The following MACROD2 variants were observed in gnomAD, a reference collection of about 807,000 sequenced individuals.
MACROD2 encodes mono-ADP ribosylhydrolase 2.
Under a neutral mutation model 70.4 loss-of-function variants are expected in MACROD2, and 36 were observed. That is an observed-to-expected ratio of 0.51 (90% CI 0.39 to 0.68). The LOEUF is 0.68. MACROD2 is among the 30% of genes least tolerant of loss of function. MACROD2 has a pLI of 0.00. For missense variants in MACROD2, 496 were observed against 538.4 expected (o/e 0.92, Z 0.78); for synonymous variants, 172 against 178.8 (o/e 0.96, Z 0.30).
At chr20:15,132,953 G>C (rs2076117650) in intron 5 of MACROD2, among the ~76,000 whole-genome samples, 1 of 152,034 alleles carries the variant, frequency 6.6e-6, no homozygotes, top group Non-Finnish European at 1.5e-5. Flanking sequence ...ACTGAGAAAA[G>C]AGAACCTTCA....
intron 5 of MACROD2, among the ~76,000 whole-genome samples, chr20:15,051,900 C>T (rs747225689): frequency 5.9e-5 from 9 of 152,030 alleles, no homozygotes; most frequent in South Asian, 4.2e-4. Context: ...TACAGGCACG[C>T]GCCACTACGT....
chr20:14,364,848 C>G (rs1404394161), intron 3 of MACROD2, among the ~76,000 whole-genome samples: 1 of 152,154 alleles, frequency 6.6e-6, no homozygotes, highest in African/African-American at 2.4e-5. Flanking sequence ...ATTTGCCCAT[C>G]CATTCATCTG....
chr20:14,257,957 C>T (rs2082071219), intron 3 of MACROD2, among the ~76,000 whole-genome samples: 2 of 152,274 alleles, frequency 1.3e-5, no homozygotes, highest in South Asian at 4.1e-4. Flanking sequence ...CATAGCTTGG[C>T]TCCCATTTAA....
At chr20:15,233,726 C>A (rs6131653) in intron 6 of MACROD2, among the ~76,000 whole-genome samples, 1 of 151,176 alleles carries the variant, frequency 6.6e-6, no homozygotes, top group Non-Finnish European at 1.5e-5. Context: ...GATGGCATTT[C>A]TTTTATGAAT....
rs546604042 is a variant in MACROD2, at chr20:14,841,856, A to G, written c.418+156897A>G. The stretch of plus-strand genomic sequence containing the variant: ...TACTAAGATTGGTTTTAAGACTTTT[A>G]TTTTGGGTACTATAGAGTAGAGACC... On this transcript the variant is annotated intron_variant, in intron 5 of 17. Coordinates refer to ENST00000684519, the MANE Select transcript of MACROD2 (RefSeq NM_001351661.2). Among the ~76,000 whole-genome samples the G allele has an allele frequency of 3.9e-5, 6 of 152,122 alleles. 1 individual carries two copies. The highest frequency in any genetic ancestry group is 4.2e-4 in the South Asian group (2 of 4,808).
At chr20:15,733,730 A>G (rs2050978961) in intron 8 of MACROD2, among the ~76,000 whole-genome samples, 1 of 152,216 alleles carries the variant, frequency 6.6e-6, no homozygotes, top group South Asian at 2.1e-4. Flanking sequence ...TTTCACATAC[A>G]TACAAACACA....
At chr20:14,955,236 T>G (rs1185183267) in intron 5 of MACROD2, among the ~76,000 whole-genome samples, 1 of 138,020 alleles carries the variant, frequency 7.2e-6, no homozygotes. Flanking sequence ...TATATAATTT[T>G]TATTATATAT....
intron 8 of MACROD2, among the ~76,000 whole-genome samples, chr20:15,783,860 T>C (rs2051876358): frequency 6.6e-6 from 1 of 152,082 alleles, no homozygotes; most frequent in Non-Finnish European, 1.5e-5. Context: ...GTAGAAACTG[T>C]GCTTGGAAAA....
chr20:14,875,985 G>C (rs553442393), intron 5 of MACROD2, among the ~76,000 whole-genome samples: 2 of 152,174 alleles, frequency 1.3e-5, no homozygotes, highest in South Asian at 4.2e-4. Context: ...TATATATCCA[G>C]TATTGGGATT....
intron 6 of MACROD2, among the ~76,000 whole-genome samples, chr20:15,309,285 A>G (rs1267451719): frequency 3.3e-5 from 5 of 152,240 alleles, no homozygotes; most frequent in Non-Finnish European, 5.9e-5. Flanking sequence ...GTCAAGTTAT[A>G]CATCTCCAAG....
intron 5 of MACROD2, among the ~76,000 whole-genome samples, chr20:14,960,640 T>C (rs2074575080): frequency 6.6e-6 from 1 of 152,190 alleles, no homozygotes; most frequent in African/African-American, 2.4e-5. Context: ...ATGATACTTT[T>C]AAAATCCTGT....
chr20:14,594,614 C>T (rs1981996879), intron 4 of MACROD2, among the ~76,000 whole-genome samples: 1 of 152,170 alleles, frequency 6.6e-6, no homozygotes, highest in African/African-American at 2.4e-5. Context: ...ACAAAGAAGA[C>T]TGGGCGCGGT....
chr20:14,643,800 T>G (rs2123496357), intron 4 of MACROD2, among the ~76,000 whole-genome samples: 1 of 152,290 alleles, frequency 6.6e-6, no homozygotes, highest in East Asian at 1.9e-4. Flanking sequence ...CAGCCTCAGC[T>G]CATGCCACAG....
chr20:14,271,313 A>C (rs2082193515), intron 3 of MACROD2, among the ~76,000 whole-genome samples: 2 of 152,220 alleles, frequency 1.3e-5, no homozygotes, highest in East Asian at 3.8e-4. Context: ...AGGAACGATC[A>C]GACAGCAGCA....
chr20:14,086,020 GTATATTATTGTTAC>G, intron 3 of MACROD2, among the ~76,000 whole-genome samples: 1 of 152,256 alleles, frequency 6.6e-6, no homozygotes, highest in Non-Finnish European at 1.5e-5. Flanking sequence ...ACTTTAGCAA[GTATATTATTGTTAC>G]TTTCGTAGCT....
chr20:15,369,628 C>T (rs950249060), intron 6 of MACROD2, among the ~76,000 whole-genome samples: 1 of 152,112 alleles, frequency 6.6e-6, no homozygotes, highest in African/African-American at 2.4e-5. Flanking sequence ...AGCTACAAAA[C>T]CCTTGGTAGA....
intron 4 of MACROD2, among the ~76,000 whole-genome samples, chr20:14,630,882 A>G (rs1347387552): frequency 7.1e-6 from 1 of 140,280 alleles, no homozygotes; most frequent in Non-Finnish European, 1.5e-5. Context: ...CCTGATGTAC[A>G]GATTCTTGAG....
intron 6 of MACROD2, among the ~76,000 whole-genome samples, chr20:15,231,143 A>G (rs868255062): frequency 2.0e-5 from 3 of 152,242 alleles, no homozygotes; most frequent in Middle Eastern, 3.4e-3. Flanking sequence ...TCTGCTTGAA[A>G]TAAGGAAACT....
intron 6 of MACROD2, among the ~76,000 whole-genome samples, chr20:15,273,135 A>C (rs375151296): frequency 7.2e-5 from 11 of 152,302 alleles, no homozygotes; most frequent in African/African-American, 2.6e-4. Flanking sequence ...AGAGATTAAC[A>C]TTTGAGTCAG....
Sources: gnomAD v4.1 joint callset for allele counts (sites outside exome capture counted in the v4.1 genomes callset) on GRCh38, gnomAD v4.1.1 for gene constraint, MANE v1.5 for transcripts, NCBI Gene and HGNC (gene_info 2026-07-23, HGNC 2026-07-21) for gene names.